The following LRP1B variants were observed in gnomAD, a reference collection of about 807,000 sequenced individuals.
LRP1B encodes the protein low-density lipoprotein receptor-related protein 1B.
In LRP1B, 217 loss-of-function variants were observed where a neutral mutation model predicts 556.6. The observed-to-expected ratio is 0.39, with a 90% CI of 0.35 to 0.44. LRP1B has a LOEUF of 0.44. Ranked by LOEUF, LRP1B falls within the 20% of genes least tolerant of loss-of-function variation. LRP1B has a pLI of 1.00. For missense variants in LRP1B, 5,053 were observed against 5,620.8 expected (o/e 0.90, Z 3.23); for synonymous variants, 2,047 against 1,865.8 (o/e 1.10, Z -2.50).
rs140076608 is a variant in LRP1B, at chr2:141,365,829, C to T, written c.344-111188G>A. ...CTGGGACTACAGGCACCCGCCACTA[C>T]GCCCAGCTAATTTTTTGGTATTTTT... On this transcript the variant is annotated intron_variant, in intron 3 of 90. Transcript: ENST00000389484. Among the ~76,000 whole-genome samples the T allele has an allele frequency of 5.9e-3, 894 of 151,788 alleles. 10 individuals are homozygous for T. The highest frequency in any genetic ancestry group is 0.021 in the African/African-American group (849 of 41,408).
At chr2:140,614,507 A>G (rs985333483) in intron 41 of LRP1B, among the ~76,000 whole-genome samples, 1 of 152,160 alleles carries the variant, frequency 6.6e-6, no homozygotes, top group African/African-American at 2.4e-5. Flanking sequence ...AGGGAAAAAT[A>G]GATTGAATAT....
chr2:141,329,185 C>T (rs1363298131), intron 3 of LRP1B, among the ~76,000 whole-genome samples: 2 of 151,802 alleles, frequency 1.3e-5, no homozygotes, highest in African/African-American at 2.4e-5. Flanking sequence ...GTCAGGAGTT[C>T]GAGACCAGCC....
chr2:142,086,777 T>C (rs12994712), intron 1 of LRP1B, among the ~76,000 whole-genome samples: 73,487 of 151,586 alleles, frequency 0.48, 18,234 homozygotes, highest in East Asian at 0.69. Flanking sequence ...TAACTGAGTG[T>C]CCTACATATT....
chr2:142,041,774 T>C (rs1276352660), intron 1 of LRP1B, among the ~76,000 whole-genome samples: 1 of 151,488 alleles, frequency 6.6e-6, no homozygotes, highest in Non-Finnish European at 1.5e-5. Flanking sequence ...AATTTAGTGA[T>C]TAAGAAGACA....
At chr2:140,814,447 A>G (rs1691035709) in intron 31 of LRP1B, among the ~76,000 whole-genome samples, 6 of 152,202 alleles carry the variant, frequency 3.9e-5, no homozygotes, top group Admixed American at 3.9e-4. Context: ...ATAGCTAGTT[A>G]GTGGACATTC....
chr2:141,254,666 C>A (rs1176687393), intron 3 of LRP1B, 25 bp from the exon 4 acceptor site: 1 of 1,538,796 alleles, frequency 6.5e-7, no homozygotes, highest in South Asian at 1.1e-5. Flanking sequence ...CAAATATATT[C>A]TCTATATTTA....
intron 6 of LRP1B, among the ~76,000 whole-genome samples, chr2:141,206,718 C>G (rs1048826431): frequency 3.3e-5 from 5 of 152,126 alleles, no homozygotes; most frequent in African/African-American, 1.2e-4. Flanking sequence ...AAGCTTAAAA[C>G]TATCTTTTCC....
chr2:142,130,571 C>T, intron 1 of LRP1B, 77 bp downstream of exon 1: 1 of 1,254,086 alleles, frequency 8.0e-7, no homozygotes. Flanking sequence ...AAGTTTCACA[C>T]TCACTTATCT....
chr2:140,965,193 T>G (rs1696166545), intron 18 of LRP1B, among the ~76,000 whole-genome samples: 1 of 152,104 alleles, frequency 6.6e-6, no homozygotes, highest in Non-Finnish European at 1.5e-5. Flanking sequence ...ATCAAAAAGG[T>G]ACATCGAATT....
chr2:141,822,112 C>CAGAGAG (rs1477958846), intron 1 of LRP1B, among the ~76,000 whole-genome samples: 1 of 111,650 alleles, frequency 9.0e-6, no homozygotes, highest in Non-Finnish European at 1.8e-5. Flanking sequence ...CACACACACA[C>CAGAGAG]ACACACACAC....
At chr2:140,526,431 T>C (rs1297150675) in intron 47 of LRP1B, 81 bp from the exon 48 acceptor site, 3 of 941,476 alleles carry the variant, frequency 3.2e-6, no homozygotes, top group Admixed American at 2.2e-5. Context: ...TTTCAATTAT[T>C]TTATATAATT....
intron 3 of LRP1B, among the ~76,000 whole-genome samples, chr2:141,434,430 C>T (rs1034093125): frequency 1.3e-5 from 2 of 151,068 alleles, no homozygotes; most frequent in African/African-American, 4.8e-5. Flanking sequence ...AGATTTTCCA[C>T]TTGGTTCTTT....
rs148122359 is a variant in LRP1B at position 140,307,190 on chromosome 2, G to A, written c.12805+7745C>T. ...TAGAGAGAACTTGGAATAAAGTCAC[G>A]TTTGATATTTAAATTGTGTAACTTT... On this transcript the variant is annotated intron_variant, in intron 83 of 90. Coordinates refer to ENST00000389484, the MANE Select transcript of LRP1B (RefSeq NM_018557.3). Among the ~76,000 whole-genome samples, 216 of 151,926 alleles carry A rather than the reference G, an allele frequency of 1.4e-3. 1 individual carries two copies. Among genetic ancestry groups the A allele is most frequent in the African/African-American group, 4.8e-3 (201 of 41,508 alleles).
At chr2:141,543,095 T>C (rs1685323444) in intron 2 of LRP1B, among the ~76,000 whole-genome samples, 1 of 152,150 alleles carries the variant, frequency 6.6e-6, no homozygotes, top group Admixed American at 6.6e-5. Flanking sequence ...AATCCATTAC[T>C]ATGAAGATAA....
chr2:142,036,571 T>C (rs1449491), intron 1 of LRP1B, among the ~76,000 whole-genome samples: 121,572 of 151,508 alleles, frequency 0.8, 50,229 homozygotes, highest in East Asian at 0.97. Flanking sequence ...ACCAACATTA[T>C]CTAAGAAAAA....
At chr2:140,821,234 T>TA (rs1691318993) in intron 31 of LRP1B, among the ~76,000 whole-genome samples, 1 of 152,154 alleles carries the variant, frequency 6.6e-6, no homozygotes, top group African/African-American at 2.4e-5. Context: ...ATAACCTTTT[T>TA]AAAAAATTAC....
At chr2:141,054,054 A>G (rs1699113004) in intron 10 of LRP1B, among the ~76,000 whole-genome samples, 1 of 152,062 alleles carries the variant, frequency 6.6e-6, no homozygotes, top group Admixed American at 6.6e-5. Context: ...AAATGTAAAC[A>G]AAGTACAAAA....
At chr2:141,917,771 G>C (rs1700078539) in intron 1 of LRP1B, among the ~76,000 whole-genome samples, 1 of 152,160 alleles carries the variant, frequency 6.6e-6, no homozygotes, top group Non-Finnish European at 1.5e-5. Context: ...TAATTTACTT[G>C]CTTAACCCTT....
chr2:141,879,864 T>C (rs1698895554), intron 1 of LRP1B, among the ~76,000 whole-genome samples: 1 of 152,060 alleles, frequency 6.6e-6, no homozygotes, highest in Non-Finnish European at 1.5e-5. Flanking sequence ...CATTCTGCTT[T>C]CTTATCCCTA....
Sources: allele counts gnomAD v4.1 joint callset (sites outside exome capture counted in the v4.1 genomes callset), GRCh38; gene constraint gnomAD v4.1.1; transcripts MANE v1.5; gene names NCBI Gene and HGNC (gene_info 2026-07-23, HGNC 2026-07-21).